CLUAP1: variants seen among roughly 807,000 people sequenced by gnomAD.
The protein encoded by CLUAP1 is clusterin-associated protein 1.
Under a neutral mutation model 55.0 loss-of-function variants are expected in CLUAP1, and 50 were observed. That is an observed-to-expected ratio of 0.91 (90% CI 0.72 to 1.15). The LOEUF is 1.15. Among genes scored for constraint, CLUAP1 ranks in the 50% most tolerant of loss-of-function variants. The probability of loss-of-function intolerance (pLI) is 0.00; values close to 1 mark genes in which losing one functional copy is unlikely to be tolerated. For synonymous variants in CLUAP1, 195 were observed against 175.4 expected, an observed-to-expected ratio of 1.11 and a Z score of -0.88; for missense variants, 530 against 507.6, an observed-to-expected ratio of 1.04 and a Z score of -0.42.
Position 3,501,010 on chromosome 16 carries a change from C to T in CLUAP1, c.-58C>T. On this transcript the variant is annotated 5_prime_UTR_variant, in exon 1 of 12. Transcript: ENST00000576634. ...GCCATAGAGATCGTCGAGCGCTGGG[C>T]CTGTGATCGCTGAGGGGCGAGCAGT... The T allele has an allele frequency of 6.4e-7, 1 of 1,559,352 alleles. No individual in the cohort carries two copies. Among genetic ancestry groups the T allele is most frequent in the Non-Finnish European group, 8.7e-7 (1 of 1,148,000 alleles).
Position 3,536,248 on chromosome 16 carries a change from G to C in CLUAP1, c.1219G>C (p.Asp407His). Residue 407 changes from aspartate (D) to histidine (H), a missense_variant, in exon 12 of 12, where the codon GAT becomes CAT. Transcript: ENST00000576634. ...NRRVRKSEPL[D>H]ESDNDF ...AAGGGTCCGGAAATCTGAACCCCTG[G>C]ATGAGAGTGACAATGACTTCTGACC... is the stretch of plus-strand genomic sequence containing the variant. 6.2e-7 allele frequency: 1 copy of C among 1,614,128 alleles called. No homozygotes were observed. The highest frequency in any genetic ancestry group is 1.1e-5 in the South Asian group (1 of 91,084).
intron 7 of CLUAP1, among the ~76,000 whole-genome samples, chr16:3,520,922 C>T (rs989469444): frequency 3.9e-5 from 6 of 152,110 alleles, no homozygotes; most frequent in Admixed American, 3.3e-4. Flanking sequence ...CCTTTTCATT[C>T]ACCCTTTATT....
intron 1 of CLUAP1, chr16:3,501,930 G>T (rs1324187452): frequency 2.0e-5 from 3 of 152,108 alleles, no homozygotes; most frequent in African/African-American, 7.2e-5. Flanking sequence ...GAACAACTCT[G>T]TGCCCCCTGT....
intron 6 of CLUAP1, 28 bp downstream of exon 6, chr16:3,515,619 T>C (rs2037715774): frequency 6.9e-7 from 1 of 1,451,522 alleles, no homozygotes; most frequent in South Asian, 1.2e-5. Flanking sequence ...TTATATAATG[T>C]TTTTTATGCC....
At chr16:3,529,375 ATGTG>A (rs60744501) in intron 9 of CLUAP1, among the ~76,000 whole-genome samples, 12 of 107,214 alleles carry the variant, frequency 1.1e-4, no homozygotes, top group East Asian at 4.7e-4. Context: ...CCAGTTTTGT[ATGTG>A]TGTGTGTGTG....
chr16:3,508,476 C>G lies in CLUAP1; in HGVS notation c.399+8C>G, dbSNP rs2037552907. On this transcript the variant is annotated splice_region_variant and intron_variant, in intron 4 of 11. Coordinates refer to ENST00000576634, the MANE Select transcript of CLUAP1 (RefSeq NM_015041.3). ...TTTGATCTTGGCTCAAAGGTAAGGA[C>G]AACAAAAGCCTTGTAGTGGGCGATG... 2 of 1,559,044 alleles carry G rather than the reference C, an allele frequency of 1.3e-6. No individual in the cohort carries two copies. The highest frequency in any genetic ancestry group is 1.7e-4 in the Middle Eastern group (1 of 5,910).
chr16:3,537,204 G>C lies in CLUAP1; in HGVS notation c.*933G>C, dbSNP rs2038249939. ...AGCTCGCTACCTAAGTGTTTCTGTAGGGGAAGGAGCCAATTAAGAAAAAGT... is the reference window on the plus strand; with the variant it reads ...AGCTCGCTACCTAAGTGTTTCTGTACGGGAAGGAGCCAATTAAGAAAAAGT... On this transcript the variant is annotated 3_prime_UTR_variant, in exon 12 of 12. Transcript: ENST00000576634. The C allele has an allele frequency of 6.6e-6, 1 of 152,172 alleles. No homozygotes were observed. The highest frequency in any genetic ancestry group is 6.5e-5 in the Admixed American group (1 of 15,276). 9.4% of individuals were successfully genotyped at this position (152,172 alleles called of 1,614,324 possible). A position where few individuals can be genotyped will look rare whatever the true frequency, so the allele number is the denominator to read the frequency against.
chr16:3,533,065 T>G, intron 11 of CLUAP1: 1 of 1,531,630 alleles, frequency 6.5e-7, no homozygotes, highest in East Asian at 2.4e-5. Flanking sequence ...TTTTTTTGCC[T>G]TCTCACTGTT....
chr16:3,508,183 T>C, intron 3 of CLUAP1, 106 bp from the exon 4 acceptor site: 1 of 916,784 alleles, frequency 1.1e-6, no homozygotes, highest in Non-Finnish European at 1.7e-6. Context: ...TATTAGGTTA[T>C]ATCCCAGTTG....
intron 8 of CLUAP1, among the ~76,000 whole-genome samples, chr16:3,524,161 A>G (rs112793534): frequency 0.019 from 2,879 of 152,008 alleles, 73 homozygotes; most frequent in African/African-American, 0.054. Context: ...AATTAGCTGG[A>G]CATGGTGTTA....
Position 3,524,562 on chromosome 16 carries a change from A to G in CLUAP1, c.855+1263A>G, listed in dbSNP as rs146148192. Among the ~76,000 whole-genome samples, 605 of 140,864 alleles carry G rather than the reference A, an allele frequency of 4.3e-3. 2 individuals carry two copies. Among genetic ancestry groups the G allele is most frequent in the Middle Eastern group, 0.03 (8 of 268 alleles). The allele number at this position is 140,864 out of a possible 152,430, so 92.4% of individuals were successfully genotyped here. On this transcript the variant is annotated intron_variant, in intron 8 of 11. Coordinates refer to ENST00000576634, the MANE Select transcript of CLUAP1 (RefSeq NM_015041.3). Reference sequence around the variant, plus strand: ...CAGTGAGCCGAGATTGCGCCACTGCACTCTAGCCTGGGCGACAGAGCAAGA... The same window carrying G: ...CAGTGAGCCGAGATTGCGCCACTGCGCTCTAGCCTGGGCGACAGAGCAAGA...
At position 3,501,047 on chromosome 16, in the gene CLUAP1, G is replaced by T; in HGVS notation, c.-21G>T. ...GAGGGGCGAGCAGTTGCGACCCTGGGCTCCTGGGGACCTGAGCGTTATGTC... is the reference window on the plus strand; with the variant it reads ...GAGGGGCGAGCAGTTGCGACCCTGGTCTCCTGGGGACCTGAGCGTTATGTC... On this transcript the variant is annotated 5_prime_UTR_variant, in exon 1 of 12. Transcript: ENST00000576634. The T allele has an allele frequency of 6.3e-7, 1 of 1,598,552 alleles. No homozygotes were observed. Among genetic ancestry groups the T allele is most frequent in the Non-Finnish European group, 8.5e-7 (1 of 1,175,616 alleles).
intron 11 of CLUAP1, 103 bp downstream of exon 11, chr16:3,532,944 G>C: frequency 6.9e-7 from 1 of 1,456,416 alleles, no homozygotes; most frequent in Non-Finnish European, 9.6e-7. Flanking sequence ...AGCCGTCTAT[G>C]GTCAGCCCGG....
At chr16:3,504,644 G>C in intron 1 of CLUAP1, 76 bp from the exon 2 acceptor site, 1 of 864,228 alleles carries the variant, frequency 1.2e-6, no homozygotes, top group East Asian at 2.5e-5. Context: ...AGAAGGAAAA[G>C]TAAAGACAAT....
intron 4 of CLUAP1, among the ~76,000 whole-genome samples, chr16:3,509,500 G>A (rs1417400685): frequency 6.6e-6 from 1 of 152,220 alleles, no homozygotes; most frequent in Non-Finnish European, 1.5e-5. Flanking sequence ...AGCCTGTTTG[G>A]AGAGTGAGGG....
intron 7 of CLUAP1, 62 bp downstream of exon 7, chr16:3,520,098 C>A: frequency 6.8e-7 from 1 of 1,474,464 alleles, no homozygotes; most frequent in Non-Finnish European, 9.1e-7. Context: ...ACAAACTGGG[C>A]GTGGTGGCTC....
chr16:3,515,291 G>A, intron 5 of CLUAP1: 1 of 409,536 alleles, frequency 2.4e-6, no homozygotes, highest in South Asian at 4.8e-5. Context: ...TAGGCCTCTG[G>A]CTGAAAAGGA....
intron 4 of CLUAP1, among the ~76,000 whole-genome samples, chr16:3,510,610 G>C (rs1047042043): frequency 6.6e-6 from 1 of 152,216 alleles, no homozygotes; most frequent in African/African-American, 2.4e-5. Context: ...TCATGGGTGT[G>C]TTCCGCCTCT....
At position 3,536,751 on chromosome 16, in the gene CLUAP1, T is replaced by G. The variant is rs919901104; in HGVS notation, c.*480T>G. 1.3e-5 allele frequency: 2 copies of G among 153,066 alleles called. No individual in the cohort carries two copies. The highest frequency in any genetic ancestry group is 2.9e-5 in the Non-Finnish European group (2 of 68,640). 9.5% of individuals were successfully genotyped at this position (153,066 alleles called of 1,614,324 possible). On this transcript the variant is annotated 3_prime_UTR_variant, in exon 12 of 12. Transcript: ENST00000576634. Reference sequence around the variant, plus strand: ...ATACATCGGCTTTTAATTCTAGCTCTTATTTCATTTTGTAATCTTATTTTC... The same window carrying G: ...ATACATCGGCTTTTAATTCTAGCTCGTATTTCATTTTGTAATCTTATTTTC...
Sources: allele counts gnomAD v4.1 joint callset (sites outside exome capture counted in the v4.1 genomes callset), GRCh38; gene constraint gnomAD v4.1.1; transcripts MANE v1.5; gene names NCBI Gene and HGNC (gene_info 2026-07-23, HGNC 2026-07-21).